Variants in DPPA2 observed in about 807,000 individuals in gnomAD.
DPPA2 encodes the protein developmental pluripotency-associated protein 2.
A neutral mutation model predicts 36.2 loss-of-function variants in DPPA2; 26 were observed. That is an observed-to-expected ratio of 0.72 (90% confidence interval 0.53 to 1.00). DPPA2 has a LOEUF of 1.00. DPPA2 is among the 50% of genes least tolerant of loss of function. The probability of loss-of-function intolerance (pLI) is 0.00; values close to 1 mark genes in which losing one functional copy is unlikely to be tolerated. For synonymous variants in DPPA2, 113 were observed against 123.2 expected (o/e 0.92, Z 0.55); for missense variants, 361 against 365.1 (o/e 0.99, Z 0.09).
intron 3 of DPPA2, among the ~76,000 whole-genome samples, chr3:109,310,335 G>A (rs983585282): frequency 2.1e-5 from 3 of 144,674 alleles, no homozygotes; most frequent in African/African-American, 7.7e-5. Flanking sequence ...TTGAACCCAG[G>A]AGGCAGAGGC....
chr3:109,312,675 T>A lies in DPPA2; in HGVS notation c.51A>T (p.Glu17Asp). Residue 17 changes from glutamate (E) to aspartate (D), a missense_variant, in exon 3 of 9, where the codon GAA (glutamate) becomes GAT (aspartate). Physicochemically the swap from Glu to Asp is conservative, Grantham distance 45. Transcript: ENST00000478945. ...DSSKKNFLEG[E>D]VDDEESVILT... ...AAATCACACTTTCCTCATCATCTAC[T>A]TCCCCCTCCAAGAAATTCTGGAAAG... is the stretch of plus-strand genomic sequence containing the variant. 2 of 1,613,670 alleles carry A rather than the reference T, an allele frequency of 1.2e-6. No homozygotes were observed. Among genetic ancestry groups the A allele is most frequent in the Non-Finnish European group, 1.7e-6 (2 of 1,179,668 alleles).
Position 109,308,107 on chromosome 3 carries a change from T to C in DPPA2, c.583A>G (p.Arg195Gly), listed in dbSNP as rs765817808. 2 of 1,614,186 alleles carry C rather than the reference T, an allele frequency of 1.2e-6. No individual in the cohort carries two copies. Among genetic ancestry groups the C allele is most frequent in the Admixed American group, 1.7e-5 (1 of 60,012 alleles). ...MLASWARIAA[R>G]AVQPKALNSC... ...TTCAAAGCCTTAGGCTGAACAGCTC[T>C]TGCAGCAATTCTTGCCCATGATGCC... The change falls in exon 6 of 9, where the codon AGA (arginine) becomes GGA (glycine). Residue 195 changes from arginine to glycine, a missense_variant. Transcript: ENST00000478945.
chr3:109,294,415 T>C (rs1393686438), intron 8 of DPPA2, among the ~76,000 whole-genome samples: 2 of 152,192 alleles, frequency 1.3e-5, no homozygotes, highest in Non-Finnish European at 2.9e-5. Context: ...TGGAAATTTT[T>C]CTGTTCTATT....
chr3:109,295,100 A>G (rs1163569083), intron 8 of DPPA2: 3 of 152,212 alleles, frequency 2.0e-5, no homozygotes, highest in African/African-American at 7.2e-5. Context: ...GCCAAATTCA[A>G]TTCAAATTGA....
intron 3 of DPPA2, among the ~76,000 whole-genome samples, chr3:109,310,475 G>A (rs1386703062): frequency 6.7e-6 from 1 of 149,068 alleles, no homozygotes; most frequent in Non-Finnish European, 1.5e-5. Flanking sequence ...CATTATAATA[G>A]CAGACCTGGG....
chr3:109,302,056 T>C (rs1430593242), intron 7 of DPPA2, among the ~76,000 whole-genome samples: 1 of 152,208 alleles, frequency 6.6e-6, no homozygotes, highest in Non-Finnish European at 1.5e-5. Context: ...CTCTGTCCAT[T>C]GCTCCCTTTA....
At chr3:109,298,560 C>CA (rs1449696840) in intron 8 of DPPA2, among the ~76,000 whole-genome samples, 4 of 151,622 alleles carry the variant, frequency 2.6e-5, no homozygotes, top group South Asian at 2.1e-4. Flanking sequence ...TAAAAAAATA[C>CA]AAAAAATTAG....
intron 2 of DPPA2, among the ~76,000 whole-genome samples, chr3:109,313,445 A>G (rs972503514): frequency 6.6e-6 from 1 of 152,198 alleles, no homozygotes; most frequent in African/African-American, 2.4e-5. Flanking sequence ...TTATGATCTG[A>G]TGAATAAAAG....
At chr3:109,300,568 T>C in intron 7 of DPPA2, 133 bp from the exon 8 acceptor site, 1 of 828,024 alleles carries the variant, frequency 1.2e-6, no homozygotes, top group South Asian at 1.5e-5. Context: ...ACGCCTGTAA[T>C]CCTAGCACTG....
chr3:109,304,479 T>C lies in DPPA2; in HGVS notation c.850A>G (p.Lys284Glu), dbSNP rs1042745973. The change falls in exon 7 of 9, where the codon AAG (lysine) becomes GAG (glutamate). Residue 284 changes from lysine (K) to glutamate (E), a missense_variant. Coordinates refer to ENST00000478945, the MANE Select transcript of DPPA2 (RefSeq NM_138815.4). ...AACAAGATACATAAGGGTTACCTCT[T>C]AGCACAGTCGGGGCATAACATATTA... ...EDNMLCPDCA[K>E]RNKKMMKRLM... The C allele has an allele frequency of 1.2e-6, 2 of 1,610,972 alleles. No individual in the cohort carries two copies. The highest frequency in any genetic ancestry group is 1.7e-6 in the Non-Finnish European group (2 of 1,178,600).
At chr3:109,304,727 C>A in intron 6 of DPPA2, 57 bp from the exon 7 acceptor site, 1 of 1,503,938 alleles carries the variant, frequency 6.6e-7, no homozygotes, top group Non-Finnish European at 8.9e-7. Flanking sequence ...CCAACACAAC[C>A]TCTCAGCAAG....
intron 5 of DPPA2, 121 bp from the exon 6 acceptor site, chr3:109,308,414 G>C: frequency 1.5e-6 from 2 of 1,325,954 alleles, no homozygotes; most frequent in Non-Finnish European, 2.0e-6. Flanking sequence ...CCAGGCTGGA[G>C]TGCAATGGCA....
chr3:109,315,770 TCCTTTGGGAGG>T (rs928331523), intron 1 of DPPA2, among the ~76,000 whole-genome samples: 6 of 152,190 alleles, frequency 3.9e-5, no homozygotes, highest in Non-Finnish European at 7.4e-5. Context: ...ATGTCTGTAA[TCCTTTGGGAGG>T]CCTTTGGGAG....
At chr3:109,311,930 C>T (rs1031327295) in intron 3 of DPPA2, among the ~76,000 whole-genome samples, 7 of 152,246 alleles carry the variant, frequency 4.6e-5, no homozygotes, top group South Asian at 2.1e-4. Flanking sequence ...GTATTCATCT[C>T]GTTTTTATAG....
At chr3:109,300,821 C>CAAAAAAA (rs767043097) in intron 7 of DPPA2, among the ~76,000 whole-genome samples, 1 of 68,086 alleles carries the variant, frequency 1.5e-5, no homozygotes, top group Non-Finnish European at 3.1e-5. Flanking sequence ...GACTCAGTCT[C>CAAAAAAA]AAAAAAAAAA....
At chr3:109,295,725 A>G (rs1465607861) in intron 8 of DPPA2, among the ~76,000 whole-genome samples, 1 of 152,122 alleles carries the variant, frequency 6.6e-6, no homozygotes, top group Non-Finnish European at 1.5e-5. Flanking sequence ...GATCAAGACT[A>G]AGATATGGCA....
At chr3:109,296,993 G>A (rs1271416564) in intron 8 of DPPA2, among the ~76,000 whole-genome samples, 1 of 152,084 alleles carries the variant, frequency 6.6e-6, no homozygotes, top group Admixed American at 6.6e-5. Flanking sequence ...ACTGAGGTGG[G>A]AGAATCTTGC....
chr3:109,311,461 C>G lies in DPPA2; in HGVS notation c.181+1084G>C, dbSNP rs117675537. 6.9e-3 allele frequency among the ~76,000 whole-genome samples: 1,051 copies of G among 152,188 alleles called. 37 individuals are homozygous for G. The East Asian group carries it at 0.084, about 12-fold the overall frequency. ...TCCTTCTGAAAATACTTATTTGGGCCGGTCGCAGTGGCTCACGCCTGTAAT... is the reference window on the plus strand; with the variant it reads ...TCCTTCTGAAAATACTTATTTGGGCGGGTCGCAGTGGCTCACGCCTGTAAT... On this transcript the variant is annotated intron_variant, in intron 3 of 8. Coordinates refer to ENST00000478945, the MANE Select transcript of DPPA2 (RefSeq NM_138815.4).
At chr3:109,314,666 C>T in intron 1 of DPPA2, 111 bp from the exon 2 acceptor site, 1 of 1,015,388 alleles carries the variant, frequency 9.8e-7, no homozygotes, top group Non-Finnish European at 1.4e-6. Flanking sequence ...CCCAGATGAG[C>T]TCTTGTTTTC....
Sources: allele counts gnomAD v4.1 joint callset (sites outside exome capture counted in the v4.1 genomes callset), GRCh38; gene constraint gnomAD v4.1.1; transcripts MANE v1.5; gene names NCBI Gene and HGNC (gene_info 2026-07-23, HGNC 2026-07-21).